Variants in BNC2 observed in about 807,000 individuals in gnomAD.
The protein encoded by BNC2 is basonuclin zinc finger protein 2.
A neutral mutation model predicts 76.3 loss-of-function variants in BNC2; 20 were observed. The observed-to-expected ratio is 0.26, with a 90% CI of 0.18 to 0.38. The LOEUF (loss-of-function observed/expected upper bound fraction) is 0.38, where lower values mean the gene tolerates loss of function less well. BNC2 is among the 10% of genes least tolerant of loss of function. The pLI is 1.00. For synonymous variants in BNC2, 582 were observed against 514.8 expected, an observed-to-expected ratio of 1.13 and a Z score of -1.77; for missense variants, 1,382 against 1,399.8, an observed-to-expected ratio of 0.99 and a Z score of 0.20.
intron 5 of BNC2, among the ~76,000 whole-genome samples, chr9:16,465,174 G>A (rs1014489906): frequency 6.6e-6 from 1 of 152,218 alleles, no homozygotes; most frequent in East Asian, 1.9e-4. Context: ...GGCGGCTCAC[G>A]CCTGTAATCC....
intron 3 of BNC2, among the ~76,000 whole-genome samples, chr9:16,674,391 G>A: frequency 6.6e-6 from 1 of 152,060 alleles, no homozygotes; most frequent in East Asian, 1.9e-4. Flanking sequence ...CACCATCAGT[G>A]ACATCATATT....
chr9:16,701,836 G>A (rs1468361321), intron 3 of BNC2, among the ~76,000 whole-genome samples: 6 of 131,612 alleles, frequency 4.6e-5, no homozygotes, highest in African/African-American at 1.0e-4. Context: ...AAGCTACTCA[G>A]CAGGCTGAGG....
chr9:16,704,755 T>G (rs891107521), intron 3 of BNC2: 1 of 148,336 alleles, frequency 6.7e-6, no homozygotes. Flanking sequence ...TACAGTACCA[T>G]GAGCTGCAGC....
intron 1 of BNC2, among the ~76,000 whole-genome samples, chr9:16,753,323 T>G (rs1471425023): frequency 6.6e-6 from 1 of 152,210 alleles, no homozygotes; most frequent in African/African-American, 2.4e-5. Context: ...CAGAATAAAT[T>G]ACTGCAATAA....
At chr9:16,731,372 A>T (rs1344363634) in intron 2 of BNC2, among the ~76,000 whole-genome samples, 1 of 152,210 alleles carries the variant, frequency 6.6e-6, no homozygotes, top group Non-Finnish European at 1.5e-5. Flanking sequence ...TGGACCATGG[A>T]AATTATGAAG....
At position 16,605,705 on chromosome 9, in the gene BNC2, T is replaced by A. The variant is rs10962506; in HGVS notation, c.331-22620A>T. On this transcript the variant is annotated intron_variant, in intron 3 of 6. Coordinates refer to ENST00000380672, the MANE Select transcript of BNC2 (RefSeq NM_017637.6). ...TACAGCACAACAGAGACCAGAGCCA[T>A]GAAAACAAGCATTCTTAGAGTTCAG... 2.0e-5 allele frequency among the ~76,000 whole-genome samples: 3 copies of A among 151,334 alleles called. No individual in the cohort carries two copies. In the East Asian group the frequency reaches 5.8e-4, roughly 29 times the overall value.
intron 3 of BNC2, among the ~76,000 whole-genome samples, chr9:16,707,376 G>C (rs1457853819): frequency 6.6e-6 from 1 of 152,098 alleles, no homozygotes; most frequent in African/African-American, 2.4e-5. Flanking sequence ...AAATTACAGA[G>C]GTTAATTTCT....
intron 3 of BNC2, among the ~76,000 whole-genome samples, chr9:16,611,045 T>C (rs938616283): frequency 1.3e-5 from 2 of 152,134 alleles, no homozygotes; most frequent in African/African-American, 4.8e-5. Flanking sequence ...CAGCAGTTCA[T>C]TTGTTGAAGC....
chr9:16,444,964 T>C (rs1821201319), intron 5 of BNC2, among the ~76,000 whole-genome samples: 1 of 152,204 alleles, frequency 6.6e-6, no homozygotes, highest in African/African-American at 2.4e-5. Context: ...AGATTATGTT[T>C]ATCTCTCTAA....
intron 3 of BNC2, among the ~76,000 whole-genome samples, chr9:16,638,006 T>C (rs140520553): frequency 2.1e-4 from 32 of 152,338 alleles, no homozygotes; most frequent in African/African-American, 6.5e-4. Context: ...TGGGACATCA[T>C]AGGCAACTAT....
intron 3 of BNC2, among the ~76,000 whole-genome samples, chr9:16,635,231 G>C (rs1821288204): frequency 6.6e-6 from 1 of 152,112 alleles, no homozygotes. Flanking sequence ...TTAGTTACAA[G>C]ATAACTAGAC....
chr9:16,850,859 A>C (rs1371824933), intron 1 of BNC2, among the ~76,000 whole-genome samples: 2 of 152,310 alleles, frequency 1.3e-5, no homozygotes, highest in East Asian at 3.9e-4. Flanking sequence ...CCCACCAAGT[A>C]AGTTAACACC....
chr9:16,413,591 A>C lies in BNC2; in HGVS notation c.*5398T>G, dbSNP rs1312441014. The C allele has an allele frequency of 1.3e-5, 2 of 152,224 alleles. No individual in the cohort carries two copies. The highest frequency in any genetic ancestry group is 2.4e-5 in the African/African-American group (1 of 41,448). 9.4% of individuals were successfully genotyped at this position (152,224 alleles called of 1,614,324 possible). Reference sequence around the variant, plus strand: ...CACAAGGAAGGACGGGTATGTGGGCAACAGTGATGACAGATAACTCACTGG... The same window carrying C: ...CACAAGGAAGGACGGGTATGTGGGCCACAGTGATGACAGATAACTCACTGG... On this transcript the variant is annotated 3_prime_UTR_variant, in exon 7 of 7. Transcript: ENST00000380672.
At chr9:16,486,921 G>T (rs1198615069) in intron 5 of BNC2, among the ~76,000 whole-genome samples, 1 of 152,058 alleles carries the variant, frequency 6.6e-6, no homozygotes, top group Admixed American at 6.6e-5. Flanking sequence ...TCGCTATGTT[G>T]CCCAGGCTGG....
chr9:16,461,037 A>G (rs180930299), intron 5 of BNC2, among the ~76,000 whole-genome samples: 491 of 152,204 alleles, frequency 3.2e-3, no homozygotes, highest in Non-Finnish European at 4.9e-3. Flanking sequence ...TTTAAGGATA[A>G]CATTTTTAAT....
At chr9:16,538,286 T>C (rs1395339909) in intron 5 of BNC2, among the ~76,000 whole-genome samples, 2 of 152,222 alleles carry the variant, frequency 1.3e-5, no homozygotes, top group Non-Finnish European at 2.9e-5. Flanking sequence ...AGCTATCAGA[T>C]GAACTAAAAT....
At chr9:16,826,985 G>T (rs1473229221) in intron 1 of BNC2, among the ~76,000 whole-genome samples, 1 of 152,212 alleles carries the variant, frequency 6.6e-6, no homozygotes, top group African/African-American at 2.4e-5. Flanking sequence ...AAAGGTTAAT[G>T]TATGTAACTT....
At chr9:16,472,458 C>G (rs962535392) in intron 5 of BNC2, among the ~76,000 whole-genome samples, 1 of 152,158 alleles carries the variant, frequency 6.6e-6, no homozygotes. Context: ...CACCTAGGTT[C>G]TTATATATAC....
At chr9:16,603,134 T>C (rs1482045732) in intron 3 of BNC2, among the ~76,000 whole-genome samples, 1 of 152,286 alleles carries the variant, frequency 6.6e-6, no homozygotes, top group East Asian at 1.9e-4. Flanking sequence ...TTAGGTTAAA[T>C]CTATCAAGAA....
Sources: allele counts gnomAD v4.1 joint callset (sites outside exome capture counted in the v4.1 genomes callset), GRCh38; gene constraint gnomAD v4.1.1; transcripts MANE v1.5; gene names NCBI Gene and HGNC (gene_info 2026-07-23, HGNC 2026-07-21).